RABGAP1: variants seen among roughly 807,000 people sequenced by gnomAD.
The protein encoded by RABGAP1 is rab GTPase-activating protein 1.
In RABGAP1, 23 loss-of-function variants were observed where a neutral mutation model predicts 137.6. The observed-to-expected ratio is 0.17, with a 90% CI of 0.12 to 0.24. The LOEUF (loss-of-function observed/expected upper bound fraction) is 0.24. Among genes scored for constraint, RABGAP1 ranks in the 10% least tolerant of loss-of-function variants. The pLI, the probability that RABGAP1 is intolerant of heterozygous loss-of-function variation, is 1.00. For synonymous variants in RABGAP1, 451 were observed against 450.7 expected (o/e 1.00, Z -0.01); for missense variants, 906 against 1,275.8 (o/e 0.71, Z 4.42).
chr9:123,085,236 C>T (rs1036712246), intron 19 of RABGAP1, among the ~76,000 whole-genome samples: 3 of 152,188 alleles, frequency 2.0e-5, no homozygotes, highest in African/African-American at 7.2e-5. Flanking sequence ...GGTTTCTTAA[C>T]CTGGGACAAT....
rs753179669 is a variant in RABGAP1 at position 123,089,815 on chromosome 9, C to G, written c.2482C>G (p.Gln828Glu). ...EKEYHTMREQ[Q>E]AQQEDPIERF... is the part of the protein sequence containing the mutation. ...AGAATATCACACCATGAGGGAACAG[C>G]AGGCCCAGCAAGAAGACCCCATCGA... is the stretch of plus-strand genomic sequence containing the variant. The change falls in exon 20 of 26, where the codon CAG (glutamine) becomes GAG (glutamate). Residue 828 changes from glutamine (Q) to glutamate (E), a missense_variant. By Grantham distance (29) the Gln-to-Glu change is conservative. Transcript: ENST00000373647. The G allele has an allele frequency of 1.2e-6, 2 of 1,613,752 alleles. No individual in the cohort carries two copies. The highest frequency in any genetic ancestry group is 1.7e-5 in the Admixed American group (1 of 59,988).
chr9:122,982,621 A>C (rs138260011), intron 2 of RABGAP1, among the ~76,000 whole-genome samples: 293 of 152,282 alleles, frequency 1.9e-3, no homozygotes, highest in African/African-American at 6.3e-3. Flanking sequence ...CCTTGGAAAA[A>C]TTAGTTTAGG....
chr9:123,071,341 T>G (rs2034350022), intron 15 of RABGAP1: 1 of 152,252 alleles, frequency 6.6e-6, no homozygotes, highest in African/African-American at 2.4e-5. Flanking sequence ...TTGATAGTTT[T>G]GAAAAATTCA....
intron 1 of RABGAP1, among the ~76,000 whole-genome samples, chr9:122,942,430 A>G (rs980097507): frequency 4.6e-5 from 7 of 152,158 alleles, no homozygotes; most frequent in African/African-American, 1.7e-4. Context: ...CCAGCATTTT[A>G]GGAGGTTGAG....
At chr9:122,932,473 G>T in the RABGAP1 span, among the ~76,000 whole-genome samples, 3 of 151,934 alleles carry the variant, frequency 2.0e-5, no homozygotes, top group African/African-American at 7.3e-5. Flanking sequence ...TTTGTATGTT[G>T]TGTTATTTTC....
intron 2 of RABGAP1, among the ~76,000 whole-genome samples, chr9:122,971,020 A>C (rs529922432): frequency 6.6e-6 from 1 of 152,326 alleles, no homozygotes; most frequent in South Asian, 2.1e-4. Flanking sequence ...ATTCTTTATA[A>C]CCAAAGTGCT....
At chr9:123,057,497 C>T (rs922591983) in intron 13 of RABGAP1, among the ~76,000 whole-genome samples, 3 of 151,008 alleles carry the variant, frequency 2.0e-5, no homozygotes, top group East Asian at 2.0e-4. Flanking sequence ...GATGGGATGG[C>T]GGTCGGGAAG....
chr9:123,095,690 T>G (rs2035162085), intron 21 of RABGAP1, among the ~76,000 whole-genome samples: 1 of 151,932 alleles, frequency 6.6e-6, no homozygotes, highest in Non-Finnish European at 1.5e-5. Flanking sequence ...CAACAGAATG[T>G]GACCCTGTGT....
At chr9:123,087,556 A>G (rs2034906481) in intron 19 of RABGAP1, among the ~76,000 whole-genome samples, 1 of 152,236 alleles carries the variant, frequency 6.6e-6, no homozygotes, top group South Asian at 2.1e-4. Context: ...ACTTAGGTAC[A>G]CAATAAAAGT....
intron 2 of RABGAP1, among the ~76,000 whole-genome samples, chr9:122,958,986 G>A (rs1012549291): frequency 6.6e-6 from 1 of 152,102 alleles, no homozygotes; most frequent in South Asian, 2.1e-4. Flanking sequence ...TTCAGCCCGG[G>A]TGACAGAGTG....
chr9:123,095,260 T>G (rs2035149136), intron 21 of RABGAP1, among the ~76,000 whole-genome samples: 1 of 150,840 alleles, frequency 6.6e-6, no homozygotes, highest in South Asian at 2.1e-4. Context: ...AAGCCAGCTT[T>G]TGCTTTTATT....
chr9:122,946,596 AT>A (rs1833961728), intron 1 of RABGAP1, among the ~76,000 whole-genome samples: 1 of 152,224 alleles, frequency 6.6e-6, no homozygotes, highest in African/African-American at 2.4e-5. Flanking sequence ...GTACATTAAC[AT>A]TAAGCTGACT....
chr9:123,005,361 C>T lies in RABGAP1; in HGVS notation c.1375-4993C>T, dbSNP rs747756957. Reference sequence around the variant, plus strand: ...TCATAATTATGTAGAAATGTATACTCGGAAGTCCGCTTCCATTTGTATCTC... The same window carrying T: ...TCATAATTATGTAGAAATGTATACTTGGAAGTCCGCTTCCATTTGTATCTC... On this transcript the variant is annotated intron_variant, in intron 10 of 25. Transcript: ENST00000373647. Among the ~76,000 whole-genome samples, 20 of 150,920 alleles carry T rather than the reference C, an allele frequency of 1.3e-4. No homozygotes were observed. The East Asian group carries it at 3.5e-3, about 26-fold the overall frequency.
At chr9:123,087,737 A>C (rs1357171861) in intron 19 of RABGAP1, among the ~76,000 whole-genome samples, 1 of 152,194 alleles carries the variant, frequency 6.6e-6, no homozygotes, top group Non-Finnish European at 1.5e-5. Flanking sequence ...CTCCAGGAAT[A>C]GAGCTCTGAT....
intron 21 of RABGAP1, among the ~76,000 whole-genome samples, chr9:123,092,557 A>G (rs953250077): frequency 2.2e-4 from 31 of 141,698 alleles, no homozygotes; most frequent in African/African-American, 9.0e-4. Context: ...TGGAATGCCC[A>G]GGCTTTTTTT....
chr9:122,944,205 T>C (rs1223788107), intron 1 of RABGAP1, among the ~76,000 whole-genome samples: 1 of 152,124 alleles, frequency 6.6e-6, no homozygotes, highest in Non-Finnish European at 1.5e-5. Flanking sequence ...TTCTCAAGCA[T>C]GTGGAATAAA....
intron 13 of RABGAP1, among the ~76,000 whole-genome samples, chr9:123,049,835 C>T (rs1176640625): frequency 6.6e-6 from 1 of 152,224 alleles, no homozygotes; most frequent in Non-Finnish European, 1.5e-5. Context: ...ATATACCAGG[C>T]CTTAAGCCAC....
intron 10 of RABGAP1, 127 bp downstream of exon 10, chr9:122,998,893 A>G (rs1837177345): frequency 7.7e-6 from 4 of 517,372 alleles, no homozygotes; most frequent in South Asian, 5.6e-5. Context: ...AGGAAAAATT[A>G]TATTTTTCAT....
At chr9:123,087,300 A>T (rs538475593) in intron 19 of RABGAP1, among the ~76,000 whole-genome samples, 40 of 152,320 alleles carry the variant, frequency 2.6e-4, no homozygotes, top group Middle Eastern at 3.4e-3. Context: ...AGTTGAAGAA[A>T]CTTGAAGATT....
Sources: allele counts gnomAD v4.1 joint callset (sites outside exome capture counted in the v4.1 genomes callset), GRCh38; gene constraint gnomAD v4.1.1; transcripts MANE v1.5; gene names NCBI Gene and HGNC (gene_info 2026-07-23, HGNC 2026-07-21).